The following FAT2 variants were observed in gnomAD, a reference collection of about 807,000 sequenced individuals.
FAT2 encodes FAT atypical cadherin 2.
In FAT2, 150 loss-of-function variants were observed where a neutral mutation model predicts 295.3. The ratio of observed to expected loss-of-function variants is 0.51; its 90% CI spans 0.44 to 0.58. The LOEUF (loss-of-function observed/expected upper bound fraction) is 0.58, where lower values mean the gene tolerates loss of function less well. FAT2 is among the 20% of genes least tolerant of loss of function. The pLI, the probability that FAT2 is intolerant of heterozygous loss-of-function variation, is 0.00. For synonymous variants in FAT2, 2,026 were observed against 2,150.3 expected, an observed-to-expected ratio of 0.94 and a Z score of 1.60; for missense variants, 4,868 against 5,442.7, an observed-to-expected ratio of 0.89 and a Z score of 3.32.
At chr5:151,578,637 G>T (rs193278555) in intron 1 of FAT2, among the ~76,000 whole-genome samples, 133 of 152,286 alleles carry the variant, frequency 8.7e-4, no homozygotes, top group Non-Finnish European at 1.7e-3. Flanking sequence ...CAAACGAAAT[G>T]AAATCAGTAT....
intron 2 of FAT2, among the ~76,000 whole-genome samples, chr5:151,564,259 CTGTG>C (rs1758150439): frequency 6.6e-6 from 1 of 152,218 alleles, no homozygotes. Context: ...CTGGCAGGGC[CTGTG>C]TGAGAGGGCG....
At chr5:151,573,243 G>T (rs1561882426) in intron 1 of FAT2, among the ~76,000 whole-genome samples, 1 of 152,240 alleles carries the variant, frequency 6.6e-6, no homozygotes, top group Non-Finnish European at 1.5e-5. Context: ...AAGAATGAAA[G>T]TTAGTTAATG....
chr5:151,594,197 C>T (rs1759506814), upstream of FAT2, among the ~76,000 whole-genome samples: 1 of 152,166 alleles, frequency 6.6e-6, no homozygotes. Flanking sequence ...AGATCCAAGC[C>T]CCGGTCTGTC....
In FAT2 at chr5:151,567,346, T is replaced by A; in HGVS notation, c.1586A>T (p.Tyr529Phe). ...PMDYELMKRI[Y>F]TFRVRASDWG... The stretch of plus-strand genomic sequence containing the variant: ...GTCTGATGCTCTTACCCGGAAGGTA[T>A]AAATTCTTTTCATGAGTTCATAGTC... Residue 529 changes from tyrosine (Y) to phenylalanine (F), a missense_variant, in exon 2 of 24, where the codon TAT becomes TTT. Tyr to Phe is a conservative substitution (Grantham distance 22). Coordinates refer to ENST00000261800, the MANE Select transcript of FAT2 (RefSeq NM_001447.3). The A allele has an allele frequency of 6.2e-7, 1 of 1,614,188 alleles. No homozygotes were observed. The highest frequency in any genetic ancestry group is 8.5e-7 in the Non-Finnish European group (1 of 1,180,024).
chr5:151,565,647 AC>A, intron 2 of FAT2, 25 bp downstream of exon 2: 1 of 1,461,022 alleles, frequency 6.8e-7, no homozygotes, highest in Non-Finnish European at 9.3e-7. Flanking sequence ...TGGCCCTGGC[AC>A]CCCACCCTAC....
chr5:151,535,306 C>T (rs1755146189), intron 12 of FAT2, among the ~76,000 whole-genome samples: 1 of 152,058 alleles, frequency 6.6e-6, no homozygotes, highest in African/African-American at 2.4e-5. Context: ...CTCCTGCTCT[C>T]CTTTCACCTG....
chr5:151,513,222 A>G (rs56892928), intron 20 of FAT2, among the ~76,000 whole-genome samples: 8,969 of 152,312 alleles, frequency 0.059, 559 homozygotes, highest in East Asian at 0.3. Flanking sequence ...CAAAAATGTA[A>G]AACAATGCCA....
intron 9 of FAT2, among the ~76,000 whole-genome samples, chr5:151,548,464 A>G (rs921008300): frequency 6.6e-6 from 1 of 152,138 alleles, no homozygotes; most frequent in African/African-American, 2.4e-5. Flanking sequence ...TAATATTTCA[A>G]TTTACAACAT....
At position 151,546,298 on chromosome 5, in the gene FAT2, C is replaced by A. The variant is rs770062885; in HGVS notation, c.4829G>T (p.Gly1610Val). The A allele has an allele frequency of 1.9e-6, 3 of 1,613,692 alleles. No homozygotes were observed. Among genetic ancestry groups the A allele is most frequent in the South Asian group, 1.1e-5 (1 of 91,032 alleles). ...EGFFNINALLGIITLAQKLDQ... is the reference protein window; with the variant it reads ...EGFFNINALLVIITLAQKLDQ... ...AAGCTTTTGAGCTAGAGTAATGATGCCTAGCAGGGCATTGATGTTGAAGAA... is the reference window on the plus strand; with the variant it reads ...AAGCTTTTGAGCTAGAGTAATGATGACTAGCAGGGCATTGATGTTGAAGAA... Residue 1610 changes from glycine (G) to valine (V), a missense_variant, in exon 10 of 24, where the codon GGC becomes GTC. By Grantham distance (109) the Gly-to-Val change is moderately radical. This residue lies in a region of FAT2 where 3,297 missense variants were observed against 3,669.4 expected (regional missense o/e 0.90). Transcript: ENST00000261800.
chr5:151,584,802 A>G (rs1759108026), intron 1 of FAT2, among the ~76,000 whole-genome samples: 1 of 152,208 alleles, frequency 6.6e-6, no homozygotes, highest in Non-Finnish European at 1.5e-5. Context: ...CAAATGATCT[A>G]TCTGACTTGA....
chr5:151,559,483 G>A (rs1757926682), intron 3 of FAT2, among the ~76,000 whole-genome samples: 1 of 152,048 alleles, frequency 6.6e-6, no homozygotes, highest in Admixed American at 6.5e-5. Flanking sequence ...GGGGGTCTTG[G>A]CAGGTAAGCC....
chr5:151,591,078 A>G (rs763321077), intron 1 of FAT2, among the ~76,000 whole-genome samples, 87 bp downstream of exon 1: 3 of 151,668 alleles, frequency 2.0e-5, no homozygotes, highest in Non-Finnish European at 4.4e-5. Flanking sequence ...GGAGCCCCCA[A>G]CTCCAGCCTG....
intron 19 of FAT2, among the ~76,000 whole-genome samples, chr5:151,518,598 C>T (rs940501848): frequency 6.6e-5 from 10 of 151,982 alleles, no homozygotes; most frequent in Admixed American, 2.0e-4. Context: ...CAATAAAATG[C>T]GGCTGAGAGG....
chr5:151,506,133 T>G, intron 23 of FAT2, 36 bp from the exon 24 acceptor site: 1 of 1,491,428 alleles, frequency 6.7e-7, no homozygotes. Flanking sequence ...GAGCTCATTT[T>G]CTCCCCGGAA....
At chr5:151,532,029 C>CA in intron 13 of FAT2, 59 bp from the exon 14 acceptor site, 1 of 1,581,964 alleles carries the variant, frequency 6.3e-7, no homozygotes, top group Non-Finnish European at 8.6e-7. Context: ...GACCTGCCTG[C>CA]AGCAAACCCT....
chr5:151,507,155 C>A lies in FAT2; in HGVS notation c.12516G>T (p.Met4172Ile). Residue 4172 changes from methionine to isoleucine, a missense_variant and splice_region_variant, in exon 23 of 24, where the codon ATG becomes ATT. This residue lies in a region of FAT2 where 492 missense variants were observed against 482.6 expected (regional missense o/e 1.02). Transcript: ENST00000261800. ...VIKRTWSSEE[M>I]VYPGGAMVWP... is the part of the protein sequence containing the mutation. ...CTAAGCGTCTCTGGCTATACTGACC[C>A]ATCTCCTCGCTGGACCAGGTTCTCT... 6.3e-7 allele frequency: 1 copy of A among 1,575,840 alleles called. No homozygotes were observed. Among genetic ancestry groups the A allele is most frequent in the Non-Finnish European group, 8.6e-7 (1 of 1,159,754 alleles).
In FAT2 at chr5:151,506,057, G is replaced by C. The variant is rs2127562934; in HGVS notation, c.12558C>G (p.Ser4186=). The change falls in exon 24 of 24, where the codon TCC becomes TCG. Residue 4186 remains serine (S), a synonymous_variant. Transcript: ENST00000261800. Reference sequence around the variant, plus strand: ...GGGGGTATTCCCAGCGTTCGTTCCTGGAGTAAGTAGGGGGCCAGACCATGG... The same window carrying C: ...GGGGGTATTCCCAGCGTTCGTTCCTCGAGTAAGTAGGGGGCCAGACCATGG... ...GGAMVWPPTY[S]RNERWEYPHS... 1 of 1,551,658 alleles carries C rather than the reference G, an allele frequency of 6.4e-7. No individual in the cohort carries two copies. Among genetic ancestry groups the C allele is most frequent in the Non-Finnish European group, 8.7e-7 (1 of 1,156,006 alleles).
At chr5:151,518,239 T>C (rs145937497) in intron 19 of FAT2, among the ~76,000 whole-genome samples, 181 of 151,960 alleles carry the variant, frequency 1.2e-3, no homozygotes, top group Admixed American at 4.7e-3. Flanking sequence ...TGGAATTACA[T>C]CCTCTCAGCT....
rs2127564848 is a variant in FAT2, at chr5:151,507,511, C to T, written c.12160G>A (p.Val4054Met). The T allele has an allele frequency of 6.2e-7, 1 of 1,614,122 alleles. No homozygotes were observed. Among genetic ancestry groups the T allele is most frequent in the Non-Finnish European group, 8.5e-7 (1 of 1,180,016 alleles). Residue 4054 changes from valine to methionine, a missense_variant, in exon 23 of 24, where the codon GTG (valine) becomes ATG (methionine). Val to Met is a conservative substitution (Grantham distance 21). Coordinates refer to ENST00000261800, the MANE Select transcript of FAT2 (RefSeq NM_001447.3). ...CTTATGATAATGAACGCCACGGCCACTGTGATGATCAGTAACTCCTGCTGC... is the reference window on the plus strand; with the variant it reads ...CTTATGATAATGAACGCCACGGCCATTGTGATGATCAGTAACTCCTGCTGC... ...WGQQELLIIT[V>M]AVAFIIISTV... is the part of the protein sequence containing the mutation.
Sources: allele counts gnomAD v4.1 joint callset (sites outside exome capture counted in the v4.1 genomes callset), GRCh38; gene constraint gnomAD v4.1.1; regional missense constraint gnomAD v4.1.1; transcripts MANE v1.5; gene names NCBI Gene and HGNC (gene_info 2026-07-23, HGNC 2026-07-21).